The following MAD1L1 variants were observed in gnomAD, a reference collection of about 807,000 sequenced individuals.
The protein encoded by MAD1L1 is mitotic spindle assembly checkpoint protein MAD1.
MAD1L1 carries 95 observed loss-of-function variants against 96.9 expected under a neutral mutation model. The observed-to-expected ratio is 0.98, with a 90% CI of 0.83 to 1.16. The LOEUF (loss-of-function observed/expected upper bound fraction) is 1.16. MAD1L1 is among the 50% of genes most tolerant of loss of function. The pLI, the probability that MAD1L1 is intolerant of heterozygous loss-of-function variation, is 0.00. For synonymous variants in MAD1L1, 473 were observed against 396.6 expected (o/e 1.19, Z -2.29); for missense variants, 1,007 against 954.4 (o/e 1.06, Z -0.73).
chr7:1,963,627 T>C (rs531289368), intron 15 of MAD1L1, among the ~76,000 whole-genome samples: 1 of 152,296 alleles, frequency 6.6e-6, no homozygotes, highest in East Asian at 1.9e-4. Flanking sequence ...ACCTCTGACA[T>C]CTGCTTCCTG....
At chr7:2,063,583 A>T (rs899424929) in intron 12 of MAD1L1, among the ~76,000 whole-genome samples, 6 of 152,206 alleles carry the variant, frequency 3.9e-5, no homozygotes, top group African/African-American at 1.4e-4. Flanking sequence ...GTCCTATGGG[A>T]GCAAAAACAT....
intron 16 of MAD1L1, among the ~76,000 whole-genome samples, chr7:1,945,277 C>G (rs2128468700): frequency 6.6e-6 from 1 of 152,374 alleles, no homozygotes; most frequent in Admixed American, 6.5e-5. Flanking sequence ...GACAGGGACT[C>G]CTGTCCACCA....
At position 1,978,064 on chromosome 7, in the gene MAD1L1, G is replaced by A. The variant is rs369768462; in HGVS notation, c.1505+2389C>T. On this transcript the variant is annotated intron_variant, in intron 15 of 18. Transcript: ENST00000265854. ...ACCTTCCCGATGCGCTGCTGTGCAC[G>A]GCCTCTCCCCCTGCGCCCGCGTGCC... is the stretch of plus-strand genomic sequence containing the variant. 2.5e-3 allele frequency among the ~76,000 whole-genome samples: 379 copies of A among 152,342 alleles called. 1 individual carries two copies. Among genetic ancestry groups the A allele is most frequent in the South Asian group, 0.011 (54 of 4,826 alleles).
In MAD1L1 at chr7:1,966,818, G is replaced by A. The variant is rs1051099936; in HGVS notation, c.1506-9099C>T. ...CCGCAATCGTGGCGTGCTGGGAGGC[G>A]AGGGCCGCGGGCCGCGCTGCGTGCG... On this transcript the variant is annotated intron_variant, in intron 15 of 18. Coordinates refer to ENST00000265854, the MANE Select transcript of MAD1L1 (RefSeq NM_001013836.2). Among the ~76,000 whole-genome samples, 5 of 152,246 alleles carry A rather than the reference G, an allele frequency of 3.3e-5. No individual in the cohort carries two copies. The East Asian group carries it at 5.8e-4, about 18-fold the overall frequency.
chr7:2,167,730 T>TAA (rs994390654), intron 10 of MAD1L1, among the ~76,000 whole-genome samples: 2 of 143,896 alleles, frequency 1.4e-5, no homozygotes, highest in East Asian at 2.0e-4. Context: ...TTAAAAAAAT[T>TAA]AAAAAAAAAA....
At chr7:1,939,884 C>G (rs1031452772) in intron 16 of MAD1L1, among the ~76,000 whole-genome samples, 1 of 152,254 alleles carries the variant, frequency 6.6e-6, no homozygotes, top group Admixed American at 6.5e-5. Flanking sequence ...TGGAGCTCAT[C>G]AGCCATGGGC....
At chr7:2,104,904 C>T (rs1204226065) in intron 11 of MAD1L1, among the ~76,000 whole-genome samples, 1 of 152,182 alleles carries the variant, frequency 6.6e-6, no homozygotes, top group Non-Finnish European at 1.5e-5. Flanking sequence ...GGTCCCCCCG[C>T]AAGCCCTGGG....
At chr7:1,832,221 G>A (rs571520006) in intron 18 of MAD1L1, among the ~76,000 whole-genome samples, 7 of 152,196 alleles carry the variant, frequency 4.6e-5, no homozygotes, top group African/African-American at 1.7e-4. Flanking sequence ...CCTCATGGAT[G>A]ACTTGGTTCA....
chr7:2,082,907 G>A (rs1414478283), intron 11 of MAD1L1, among the ~76,000 whole-genome samples: 2 of 152,210 alleles, frequency 1.3e-5, no homozygotes, highest in African/African-American at 2.4e-5. Flanking sequence ...CATTGATTTT[G>A]CCATCCTTGA....
At chr7:1,946,090 G>A (rs1298151302) in intron 16 of MAD1L1, among the ~76,000 whole-genome samples, 1 of 152,226 alleles carries the variant, frequency 6.6e-6, no homozygotes, top group Non-Finnish European at 1.5e-5. Flanking sequence ...GGCAGCGGAT[G>A]TGGGGTGGGC....
At chr7:2,198,429 C>T (rs573123791) in intron 10 of MAD1L1, among the ~76,000 whole-genome samples, 127 of 152,352 alleles carry the variant, frequency 8.3e-4, no homozygotes, top group African/African-American at 3.0e-3. Context: ...AAAACCACTG[C>T]CTGAGCACCT....
At chr7:2,170,363 G>C (rs1790652461) in intron 10 of MAD1L1, among the ~76,000 whole-genome samples, 1 of 152,238 alleles carries the variant, frequency 6.6e-6, no homozygotes, top group African/African-American at 2.4e-5. Context: ...AAGCCACTAA[G>C]TGTTCGGGGC....
chr7:1,933,968 C>G (rs1278164398), intron 17 of MAD1L1, among the ~76,000 whole-genome samples: 1 of 152,226 alleles, frequency 6.6e-6, no homozygotes, highest in African/African-American at 2.4e-5. Context: ...TTTCCCAAGT[C>G]TACTCAGTCC....
chr7:2,165,995 A>G (rs899473531), intron 10 of MAD1L1, among the ~76,000 whole-genome samples: 1 of 152,202 alleles, frequency 6.6e-6, no homozygotes, highest in African/African-American at 2.4e-5. Context: ...CCTGGGGTCC[A>G]TACTGATGAA....
At chr7:1,838,861 A>G (rs1402379035) in intron 18 of MAD1L1, 1 of 471,374 alleles carries the variant, frequency 2.1e-6, no homozygotes, top group East Asian at 6.9e-5. Flanking sequence ...AGAAGGTATG[A>G]CTGACAGGTA....
At chr7:2,001,782 C>A (rs540039289) in intron 14 of MAD1L1, among the ~76,000 whole-genome samples, 11 of 152,212 alleles carry the variant, frequency 7.2e-5, no homozygotes, top group African/African-American at 2.7e-4. Flanking sequence ...TGCTTTGCCC[C>A]GACACCGTGG....
chr7:1,994,727 G>C (rs1384458049), intron 14 of MAD1L1, among the ~76,000 whole-genome samples: 1 of 152,250 alleles, frequency 6.6e-6, no homozygotes, highest in Non-Finnish European at 1.5e-5. Flanking sequence ...TGAGGACACA[G>C]TGAGAGGGCG....
chr7:2,047,070 G>A lies in MAD1L1; in HGVS notation c.1218+22124C>T, dbSNP rs530263965. Reference sequence around the variant, plus strand: ...ACTCCTGGGTTGAACTGTTTACTGCGTGCCACCCTCCTGGGCAAACAGTCT... The same window carrying A: ...ACTCCTGGGTTGAACTGTTTACTGCATGCCACCCTCCTGGGCAAACAGTCT... On this transcript the variant is annotated intron_variant, in intron 12 of 18. Coordinates refer to ENST00000265854, the MANE Select transcript of MAD1L1 (RefSeq NM_001013836.2). Among the ~76,000 whole-genome samples the A allele has an allele frequency of 7.2e-5, 11 of 152,308 alleles. No homozygotes were observed. In the South Asian group the frequency reaches 1.0e-3, roughly 14 times the overall value.
chr7:1,993,899 G>A (rs928703412), intron 14 of MAD1L1, among the ~76,000 whole-genome samples: 2 of 152,198 alleles, frequency 1.3e-5, no homozygotes, highest in Non-Finnish European at 2.9e-5. Context: ...CTGGGCTAAC[G>A]CTGGAGCCCC....
Sources: gnomAD v4.1 joint callset for allele counts (sites outside exome capture counted in the v4.1 genomes callset) on GRCh38, gnomAD v4.1.1 for gene constraint, MANE v1.5 for transcripts, NCBI Gene and HGNC (gene_info 2026-07-23, HGNC 2026-07-21) for gene names.